The following TCAF1 variants were observed in gnomAD, a reference collection of about 807,000 sequenced individuals.
TCAF1 encodes the protein TRPM8 channel associated factor 1.
TCAF1 carries 4 observed loss-of-function variants against 27.3 expected under a neutral mutation model. The observed-to-expected ratio is 0.15, with a 90% CI of 0.07 to 0.34. The LOEUF is 0.34. Among genes scored for constraint, TCAF1 ranks in the 10% least tolerant of loss-of-function variants. The pLI is 1.00. For missense variants in TCAF1, 257 were observed against 425.8 expected (o/e 0.60, Z 3.49); for synonymous variants, 105 against 167.1 (o/e 0.63, Z 2.87).
rs74544041 is a variant in TCAF1, at chr7:143,886,841, G to A, written c.-14-10219C>T. Among the ~76,000 whole-genome samples, 1,334 of 148,552 alleles carry A rather than the reference G, an allele frequency of 9.0e-3. 24 individuals are homozygous for A. The highest frequency in any genetic ancestry group is 0.031 in the African/African-American group (1,245 of 40,230). ...AGTAGCTGGGACTACAGATGTGCGC[G>A]CCATCATGCCCAGGGAGTTTTTGTA... On this transcript the variant is annotated intron_variant, in intron 1 of 8. Transcript: ENST00000479870.
chr7:143,876,584 C>G lies in TCAF1; in HGVS notation c.25G>C (p.Glu9Gln), dbSNP rs373629994. ...CTTGTCACACCATTCATAAGGGCCT[C>G]GAAGGCAGCAGAGGGAGTCGCCATG... MATPSAAFEALMNGVTSWD... is the reference protein window; with the variant it reads MATPSAAFQALMNGVTSWD... The change falls in exon 2 of 9, where the codon GAG becomes CAG. Residue 9 changes from glutamate to glutamine, a missense_variant. Physicochemically the swap from Glu to Gln is conservative, Grantham distance 29 (BLOSUM62 2). This residue lies in a region of TCAF1 where 255 missense variants were observed against 260.1 expected (regional missense o/e 0.98). Coordinates refer to ENST00000479870, the MANE Select transcript of TCAF1 (RefSeq NM_014719.3). 1 of 1,514,830 alleles carries G rather than the reference C, an allele frequency of 6.6e-7. No individual in the cohort carries two copies. The highest frequency in any genetic ancestry group is 2.2e-5 in the Admixed American group (1 of 44,742). 93.8% of individuals were successfully genotyped at this position (1,514,830 alleles called of 1,614,324 possible).
At chr7:143,889,398 C>A (rs765684002) in intron 1 of TCAF1, among the ~76,000 whole-genome samples, 4 of 152,162 alleles carry the variant, frequency 2.6e-5, no homozygotes, top group Non-Finnish European at 5.9e-5. Flanking sequence ...AAAGACATCT[C>A]AATTGGTTCA....
chr7:143,890,099 CT>C (rs1319676408), intron 1 of TCAF1, among the ~76,000 whole-genome samples: 3 of 152,144 alleles, frequency 2.0e-5, no homozygotes, highest in Non-Finnish European at 4.4e-5. Flanking sequence ...CGCCATTCTC[CT>C]GCCTCAGCCT....
At chr7:143,901,821 G>C (rs978201518) in intron 1 of TCAF1, 140 bp downstream of exon 1, 6 of 152,330 alleles carry the variant, frequency 3.9e-5, no homozygotes, top group Middle Eastern at 6.8e-3. Context: ...AATCATCAAC[G>C]GGGTAGAGAC....
chr7:143,877,589 A>C (rs778580437), intron 1 of TCAF1, among the ~76,000 whole-genome samples: 6 of 152,254 alleles, frequency 3.9e-5, no homozygotes, highest in Non-Finnish European at 7.3e-5. Flanking sequence ...AGGTGAATTC[A>C]CAAATATCCT....
At chr7:143,897,036 A>G (rs1303493231) in intron 1 of TCAF1, among the ~76,000 whole-genome samples, 2 of 149,736 alleles carry the variant, frequency 1.3e-5, no homozygotes, top group African/African-American at 2.4e-5. Flanking sequence ...ATGTACACAT[A>G]TTAACAATGA....
At chr7:143,878,561 C>A (rs1247160761) in intron 1 of TCAF1, among the ~76,000 whole-genome samples, 2 of 152,128 alleles carry the variant, frequency 1.3e-5, no homozygotes, top group Non-Finnish European at 2.9e-5. Flanking sequence ...ATTAATTTCC[C>A]TCTAAGTGAG....
Position 143,876,222 on chromosome 7 carries a change from G to C in TCAF1, c.387C>G (p.Ala129=). The change falls in exon 2 of 9, where the codon GCC becomes GCG. Residue 129 remains alanine (A), a synonymous_variant. Coordinates refer to ENST00000479870, the MANE Select transcript of TCAF1 (RefSeq NM_014719.3). ...GCTTTTCTGTCATGGTTTCATTGTAGGCATCAATACAGTAAACCCCCAGGG... is the reference window on the plus strand; with the variant it reads ...GCTTTTCTGTCATGGTTTCATTGTACGCATCAATACAGTAAACCCCCAGGG... ...KDSLGVYCID[A]YNETMTEKLV... is the part of the protein sequence containing the mutation. 1 of 1,614,186 alleles carries C rather than the reference G, an allele frequency of 6.2e-7. No individual in the cohort carries two copies. Among genetic ancestry groups the C allele is most frequent in the Non-Finnish European group, 8.5e-7 (1 of 1,180,038 alleles).
chr7:143,886,138 T>A (rs1288326018), intron 1 of TCAF1, among the ~76,000 whole-genome samples: 1 of 152,176 alleles, frequency 6.6e-6, no homozygotes, highest in African/African-American at 2.4e-5. Context: ...AGAGCTCAAC[T>A]GTAAAACCTG....
chr7:143,899,103 A>G (rs1462786530), intron 1 of TCAF1, among the ~76,000 whole-genome samples: 2 of 152,192 alleles, frequency 1.3e-5, no homozygotes, highest in African/African-American at 2.4e-5. Context: ...GTATTCTGCT[A>G]TGGTAGCACA....
chr7:143,876,620 T>C lies in TCAF1; in HGVS notation c.-12A>G. ...GAGGGAGTCGCCATGGCTCTATTGGTTTCTGCAGAGAAGAAAGCAAAGGCT... is the reference window on the plus strand; with the variant it reads ...GAGGGAGTCGCCATGGCTCTATTGGCTTCTGCAGAGAAGAAAGCAAAGGCT... On this transcript the variant is annotated splice_region_variant and 5_prime_UTR_variant, in exon 2 of 9. Coordinates refer to ENST00000479870, the MANE Select transcript of TCAF1 (RefSeq NM_014719.3). 1 of 1,490,998 alleles carries C rather than the reference T, an allele frequency of 6.7e-7. No individual in the cohort carries two copies. Among genetic ancestry groups the C allele is most frequent in the Non-Finnish European group, 8.9e-7 (1 of 1,121,444 alleles). The allele number at this position is 1,490,998 out of a possible 1,614,324, so 92.4% of individuals were successfully genotyped here.
chr7:143,889,213 T>A (rs1273856378), intron 1 of TCAF1, among the ~76,000 whole-genome samples: 1 of 152,126 alleles, frequency 6.6e-6, no homozygotes, highest in Non-Finnish European at 1.5e-5. Flanking sequence ...GATCTGAGGT[T>A]CAAATAGATA....
rs1811335500 is a variant in TCAF1 at position 143,852,224 on chromosome 7, CTAAA to C, written c.*1905_*1908del. The C allele has an allele frequency of 6.6e-6, 1 of 151,786 alleles. No homozygotes were observed. The highest frequency in any genetic ancestry group is 1.5e-5 in the Non-Finnish European group (1 of 68,016). 9.4% of individuals were successfully genotyped at this position (151,786 alleles called of 1,614,324 possible). ...TTGATTTGTCTTTCTTTTTTCTTGA[CTAAA>C]TAATCTTCTCAAGCATCCCAGCTCT... On this transcript the variant is annotated 3_prime_UTR_variant, in exon 9 of 9. Coordinates refer to ENST00000479870, the MANE Select transcript of TCAF1 (RefSeq NM_014719.3).
chr7:143,890,988 A>G (rs765303314), intron 1 of TCAF1, among the ~76,000 whole-genome samples: 5 of 152,198 alleles, frequency 3.3e-5, no homozygotes, highest in African/African-American at 1.2e-4. Context: ...ACATTCTAAT[A>G]AACACTCCAT....
chr7:143,886,740 C>T (rs1813425208), intron 1 of TCAF1, among the ~76,000 whole-genome samples: 1 of 117,220 alleles, frequency 8.5e-6, no homozygotes, highest in Admixed American at 1.1e-4. Flanking sequence ...GGGTCTTGTG[C>T]TGGAGTGCAG....
At chr7:143,888,486 C>A (rs1161637419) in intron 1 of TCAF1, among the ~76,000 whole-genome samples, 1 of 152,214 alleles carries the variant, frequency 6.6e-6, no homozygotes, top group African/African-American at 2.4e-5. Context: ...AAATTCATGT[C>A]ACAGAAGAAA....
chr7:143,887,784 G>C (rs1813479611), intron 1 of TCAF1, among the ~76,000 whole-genome samples: 1 of 152,154 alleles, frequency 6.6e-6, no homozygotes, highest in Non-Finnish European at 1.5e-5. Flanking sequence ...TGAATGATTT[G>C]CATTTTTCAC....
intron 2 of TCAF1, among the ~76,000 whole-genome samples, chr7:143,875,506 C>T (rs1022269746): frequency 2.6e-5 from 4 of 152,246 alleles, no homozygotes; most frequent in Admixed American, 6.5e-5. Context: ...TAACTTGAAC[C>T]ATCTTTTCTG....
chr7:143,878,591 A>G (rs980635347), intron 1 of TCAF1, among the ~76,000 whole-genome samples: 1 of 152,222 alleles, frequency 6.6e-6, no homozygotes, highest in Admixed American at 6.5e-5. Context: ...GGCAAATTAC[A>G]TAAGCTCAAC....
Sources: allele counts gnomAD v4.1 joint callset (sites outside exome capture counted in the v4.1 genomes callset), GRCh38; gene constraint gnomAD v4.1.1; regional missense constraint gnomAD v4.1.1; transcripts MANE v1.5; gene names NCBI Gene and HGNC (gene_info 2026-07-23, HGNC 2026-07-21).